Variants in CCBE1 observed in about 807,000 individuals in gnomAD.
CCBE1 encodes the protein collagen and calcium-binding EGF domain-containing protein 1.
A neutral mutation model predicts 50.0 loss-of-function variants in CCBE1; 37 were observed. The observed-to-expected ratio is 0.74, with a 90% CI of 0.57 to 0.97. CCBE1 has a LOEUF of 0.97. Among genes scored for constraint, CCBE1 ranks in the 50% least tolerant of loss-of-function variants. The probability of loss-of-function intolerance (pLI) is 0.00; values close to 1 mark genes in which losing one functional copy is unlikely to be tolerated. For synonymous variants in CCBE1, 234 were observed against 203.7 expected, an observed-to-expected ratio of 1.15 and a Z score of -1.27; for missense variants, 538 against 523.8, an observed-to-expected ratio of 1.03 and a Z score of -0.26.
At chr18:59,654,054 A>G (rs1383190105) in intron 2 of CCBE1, among the ~76,000 whole-genome samples, 1 of 152,090 alleles carries the variant, frequency 6.6e-6, no homozygotes, top group Non-Finnish European at 1.5e-5. Flanking sequence ...AGTAGGTTGG[A>G]AAAAAAAGAT....
At chr18:59,499,644 T>G (rs1417353755) in intron 2 of CCBE1, among the ~76,000 whole-genome samples, 1 of 152,174 alleles carries the variant, frequency 6.6e-6, no homozygotes, top group South Asian at 2.1e-4. Flanking sequence ...GGGAAAGAAC[T>G]GCCCTCGTGA....
At chr18:59,604,940 A>T (rs1185787109) in intron 2 of CCBE1, among the ~76,000 whole-genome samples, 1 of 152,202 alleles carries the variant, frequency 6.6e-6, no homozygotes, top group East Asian at 1.9e-4. Flanking sequence ...TCAGTAGGGG[A>T]TCCGGCAGCT....
chr18:59,584,060 T>C (rs976559893), intron 2 of CCBE1, among the ~76,000 whole-genome samples: 47 of 152,112 alleles, frequency 3.1e-4, no homozygotes, highest in African/African-American at 3.4e-4. Flanking sequence ...CGTATGTTTA[T>C]TGCGGCATTA....
In CCBE1 at chr18:59,558,134, C is replaced by T. The variant is rs1462661121; in HGVS notation, c.213-77896G>A. On this transcript the variant is annotated intron_variant, in intron 2 of 10. Transcript: ENST00000439986. ...CCCTTTCTTAACATCATTCGCAATT[C>T]GCTAGCTGAAGTAAAGCAAGATCAC... Among the ~76,000 whole-genome samples the T allele has an allele frequency of 9.9e-5, 15 of 152,190 alleles. No individual in the cohort carries two copies. In the South Asian group the frequency reaches 1.9e-3, roughly 19 times the overall value.
At chr18:59,567,320 G>A (rs186344789) in intron 2 of CCBE1, among the ~76,000 whole-genome samples, 4 of 152,226 alleles carry the variant, frequency 2.6e-5, no homozygotes, top group African/African-American at 7.2e-5. Context: ...TTTTAGTAGA[G>A]ATGGGGTTTC....
At chr18:59,623,382 G>A (rs2144610710) in intron 2 of CCBE1, among the ~76,000 whole-genome samples, 1 of 152,252 alleles carries the variant, frequency 6.6e-6, no homozygotes, top group East Asian at 1.9e-4. Flanking sequence ...AGGGAACTGA[G>A]GCATGGTGTG....
At position 59,696,724 on chromosome 18, in the gene CCBE1, A is replaced by G. The variant is rs2054809821; in HGVS notation, c.132-15T>C. ...AGCAGATTTCTCTATGAAAAAGTGC[A>G]GAGGAAATGTTCGATTCTCAGCGGG... On this transcript the variant is annotated splice_polypyrimidine_tract_variant and intron_variant, in intron 1 of 10. Transcript: ENST00000439986. 15 of 1,612,960 alleles carry G rather than the reference A, an allele frequency of 9.3e-6. No individual in the cohort carries two copies. The highest frequency in any genetic ancestry group is 1.2e-5 in the Non-Finnish European group (14 of 1,179,230).
chr18:59,578,213 T>C (rs1315739101), intron 2 of CCBE1, among the ~76,000 whole-genome samples: 3 of 152,178 alleles, frequency 2.0e-5, no homozygotes, highest in Non-Finnish European at 4.4e-5. Flanking sequence ...TCATCATCAC[T>C]GGTCATTAGA....
rs138119028 is a variant in CCBE1, at chr18:59,665,617, A to G, written c.212+31012T>C. On this transcript the variant is annotated intron_variant, in intron 2 of 10. Transcript: ENST00000439986. ...GGGTATGACTTCACTGCATGTGGAC[A>G]AGAGGAAAATGTGCTTTTCTTCTGA... Among the ~76,000 whole-genome samples the G allele has an allele frequency of 7.4e-3, 1,128 of 152,302 alleles. 7 individuals carry two copies. The highest frequency in any genetic ancestry group is 0.024 in the African/African-American group (984 of 41,572).
chr18:59,563,036 G>A (rs2052765134), intron 2 of CCBE1, among the ~76,000 whole-genome samples: 1 of 152,156 alleles, frequency 6.6e-6, no homozygotes, highest in Admixed American at 6.6e-5. Flanking sequence ...ATGTATTTTT[G>A]TTCTCTGATG....
At chr18:59,681,850 G>C (rs992869749) in intron 2 of CCBE1, among the ~76,000 whole-genome samples, 1 of 152,194 alleles carries the variant, frequency 6.6e-6, no homozygotes, top group Non-Finnish European at 1.5e-5. Context: ...TCCCTCAGTC[G>C]AGATGATCAC....
At chr18:59,546,233 A>AT (rs1436561185) in intron 2 of CCBE1, among the ~76,000 whole-genome samples, 2 of 152,160 alleles carry the variant, frequency 1.3e-5, no homozygotes, top group African/African-American at 4.8e-5. Flanking sequence ...GAAGTTGTGT[A>AT]TTTTTTGTGT....
chr18:59,499,244 T>C (rs990026286), intron 2 of CCBE1, among the ~76,000 whole-genome samples: 4 of 152,146 alleles, frequency 2.6e-5, no homozygotes, highest in African/African-American at 9.7e-5. Context: ...AACATTTTGA[T>C]GGAATTTCAG....
intron 2 of CCBE1, among the ~76,000 whole-genome samples, chr18:59,576,708 C>G (rs150677211): frequency 6.6e-6 from 1 of 152,190 alleles, no homozygotes; most frequent in Admixed American, 6.5e-5. Flanking sequence ...GCTCTGCCAA[C>G]CTGCCACTCC....
intron 2 of CCBE1, among the ~76,000 whole-genome samples, chr18:59,557,672 C>T (rs1456830609): frequency 6.6e-6 from 1 of 152,078 alleles, no homozygotes; most frequent in African/African-American, 2.4e-5. Context: ...GGGGTATAAC[C>T]AAGTAACCAA....
chr18:59,494,337 T>C (rs1913248234), intron 2 of CCBE1, among the ~76,000 whole-genome samples: 1 of 152,154 alleles, frequency 6.6e-6, no homozygotes, highest in Admixed American at 6.5e-5. Flanking sequence ...TGGGGAATAA[T>C]TTTCTCCATC....
chr18:59,439,315 A>T (rs1207373550), intron 9 of CCBE1, among the ~76,000 whole-genome samples: 1 of 151,210 alleles, frequency 6.6e-6, no homozygotes, highest in East Asian at 2.0e-4. Context: ...AAATCCAAAA[A>T]TTAGCCGGGA....
At chr18:59,690,572 C>T (rs541130079) in intron 2 of CCBE1, among the ~76,000 whole-genome samples, 91 of 152,308 alleles carry the variant, frequency 6.0e-4, no homozygotes, top group African/African-American at 1.2e-3. Context: ...TTGGCTTTTC[C>T]GGGTGCACCC....
chr18:59,559,768 C>G (rs1236157084), intron 2 of CCBE1, among the ~76,000 whole-genome samples: 2 of 152,256 alleles, frequency 1.3e-5, no homozygotes, highest in Non-Finnish European at 2.9e-5. Context: ...AAACCTGTGT[C>G]TCTGCGTCTT....
Sources: allele counts gnomAD v4.1 joint callset (sites outside exome capture counted in the v4.1 genomes callset), GRCh38; gene constraint gnomAD v4.1.1; transcripts MANE v1.5; gene names NCBI Gene and HGNC (gene_info 2026-07-23, HGNC 2026-07-21).